The following INTS10 variants were observed in gnomAD, a reference collection of about 807,000 sequenced individuals.
The protein encoded by INTS10 is integrator complex subunit 10, also known as chromosome 8 open reading frame 35.
Under a neutral mutation model 94.4 loss-of-function variants are expected in INTS10, and 44 were observed. The ratio of observed to expected loss-of-function variants is 0.47; its 90% CI spans 0.37 to 0.60. The LOEUF is 0.60. Among genes scored for constraint, INTS10 ranks in the 20% least tolerant of loss-of-function variants. The pLI is 0.00. For missense variants in INTS10, 797 were observed against 868.7 expected (o/e 0.92, Z 1.04); for synonymous variants, 341 against 320.7 (o/e 1.06, Z -0.68).
chr8:19,829,499 A>G (rs550519827), intron 9 of INTS10, among the ~76,000 whole-genome samples: 3 of 152,236 alleles, frequency 2.0e-5, no homozygotes, highest in Non-Finnish European at 2.9e-5. Flanking sequence ...TGTGTATTGT[A>G]AAATACAGAG....
At chr8:19,847,183 T>C (rs1178037606) in intron 16 of INTS10, among the ~76,000 whole-genome samples, 1 of 152,198 alleles carries the variant, frequency 6.6e-6, no homozygotes, top group Non-Finnish European at 1.5e-5. Context: ...TTAAGTGGTT[T>C]TTTCTCCTTC....
At chr8:19,847,173 T>A (rs1460679410) in intron 16 of INTS10, among the ~76,000 whole-genome samples, 3 of 152,156 alleles carry the variant, frequency 2.0e-5, no homozygotes, top group Admixed American at 2.0e-4. Context: ...AATGGAAAGA[T>A]TAAGTGGTTT....
chr8:19,841,530 A>AGATGT (rs998131024), intron 13 of INTS10, among the ~76,000 whole-genome samples: 3 of 152,224 alleles, frequency 2.0e-5, no homozygotes, highest in African/African-American at 7.2e-5. Context: ...TCACAGGAGC[A>AGATGT]GAAATCCAAA....
At chr8:19,844,282 T>C in intron 15 of INTS10, 44 bp downstream of exon 15, 1 of 1,328,374 alleles carries the variant, frequency 7.5e-7, no homozygotes, top group Non-Finnish European at 1.1e-6. Flanking sequence ...CTGATTTTCT[T>C]TAGAATGAAT....
At position 19,846,303 on chromosome 8, in the gene INTS10, G is replaced by A. The variant is rs2128810540; in HGVS notation, c.1976+506G>A. ...AAAAAATTATGTGGGCATGATAGTGGGCACCTGTAATCCCAGCTACTTGGG... is the reference window on the plus strand; with the variant it reads ...AAAAAATTATGTGGGCATGATAGTGAGCACCTGTAATCCCAGCTACTTGGG... On this transcript the variant is annotated intron_variant, in intron 16 of 16. Coordinates refer to ENST00000397977, the MANE Select transcript of INTS10 (RefSeq NM_018142.4). The surrounding 1 kb of genome is among the most constrained non-coding windows in gnomAD (Gnocchi z 4.2). Among the ~76,000 whole-genome samples the A allele has an allele frequency of 6.6e-6, 1 of 151,976 alleles. No individual in the cohort carries two copies. The highest frequency in any genetic ancestry group is 1.9e-4 in the East Asian group (1 of 5,166).
chr8:19,819,732 A>G (rs868668022), intron 3 of INTS10, 56 bp downstream of exon 3: 2 of 1,333,114 alleles, frequency 1.5e-6, no homozygotes, highest in South Asian at 1.2e-5. Flanking sequence ...ATATATAGTA[A>G]TTTCACACAC....
chr8:19,822,172 T>G (rs1185648283), intron 4 of INTS10: 4 of 256,848 alleles, frequency 1.6e-5, no homozygotes, highest in Non-Finnish European at 3.0e-5. Flanking sequence ...GACATTTTGT[T>G]AATTCTTGTT....
chr8:19,841,692 A>T (rs1563441481), intron 13 of INTS10: 3 of 397,600 alleles, frequency 7.5e-6, no homozygotes, highest in East Asian at 1.5e-4. Flanking sequence ...AGGTGTATAA[A>T]GTCATGCAAC....
At chr8:19,831,807 G>A (rs2067248390) in intron 10 of INTS10, among the ~76,000 whole-genome samples, 2 of 152,222 alleles carry the variant, frequency 1.3e-5, no homozygotes, top group African/African-American at 4.8e-5. Context: ...TATGTGCTCA[G>A]TAAGTTGTTA....
rs201067990 is a variant in INTS10, at chr8:19,833,186, G to A, written c.1395G>A (p.Ala465=). 2.5e-6 allele frequency: 4 copies of A among 1,603,512 alleles called. No individual in the cohort carries two copies. The highest frequency in any genetic ancestry group is 2.7e-5 in the African/African-American group (2 of 74,090). The change falls in exon 12 of 17, where the codon GCG becomes GCA. Residue 465 remains alanine, a synonymous_variant. Transcript: ENST00000397977. The stretch of plus-strand genomic sequence containing the variant: ...TTTCTTAGGGTCAATATAAAAAGGC[G>A]ATAGCCAGCCTGCATCACTTAGCAG... ...MIIYQGQYKK[A]IASLHHLAAL...
At chr8:19,848,273 G>GCA (rs2068742342) in intron 16 of INTS10, among the ~76,000 whole-genome samples, 1 of 152,146 alleles carries the variant, frequency 6.6e-6, no homozygotes, top group African/African-American at 2.4e-5. Flanking sequence ...CTTCTCCCCG[G>GCA]GGGTAAGGCT....
chr8:19,826,401 TG>T, intron 8 of INTS10, 24 bp from the exon 9 acceptor site: 1 of 1,599,754 alleles, frequency 6.3e-7, no homozygotes. Context: ...CACTGGTAAG[TG>T]TTGGTGTTTT....
Position 19,848,037 on chromosome 8 carries a change from C to T in INTS10, c.1976+2240C>T, listed in dbSNP as rs115964501. Reference sequence around the variant, plus strand: ...CTGACCTCGTAGGGATTTGCCCAGTCTTCACTGTGTGAATCTCAAGGTTAA... The same window carrying T: ...CTGACCTCGTAGGGATTTGCCCAGTTTTCACTGTGTGAATCTCAAGGTTAA... On this transcript the variant is annotated intron_variant, in intron 16 of 16. Coordinates refer to ENST00000397977, the MANE Select transcript of INTS10 (RefSeq NM_018142.4). Among the ~76,000 whole-genome samples the T allele has an allele frequency of 5.8e-3, 880 of 152,324 alleles. 9 individuals carry two copies. The highest frequency in any genetic ancestry group is 0.02 in the African/African-American group (835 of 41,562).
rs762371600 is a variant in INTS10, at chr8:19,826,555, C to A, written c.1136C>A (p.Thr379Asn). 7 of 1,610,356 alleles carry A rather than the reference C, an allele frequency of 4.3e-6. No homozygotes were observed. Among genetic ancestry groups the A allele is most frequent in the Non-Finnish European group, 5.9e-6 (7 of 1,178,790 alleles). The change falls in exon 9 of 17, where the codon ACC becomes AAC. Residue 379 changes from threonine to asparagine, a missense_variant. Thr to Asn is a moderately conservative substitution (Grantham distance 65, BLOSUM62 0). Coordinates refer to ENST00000397977, the MANE Select transcript of INTS10 (RefSeq NM_018142.4). ...AAACTAGCTGAAGGAAGAGAAAAAACCATGGTAAGGCTTTCAAATATACTT... is the reference window on the plus strand; with the variant it reads ...AAACTAGCTGAAGGAAGAGAAAAAAACATGGTAAGGCTTTCAAATATACTT... Reference protein sequence around the residue: ...KRKLAEGREKTMSSDDEDCSA... With the variant: ...KRKLAEGREKNMSSDDEDCSA...
intron 8 of INTS10, among the ~76,000 whole-genome samples, chr8:19,825,702 C>T (rs1476048431): frequency 1.3e-5 from 2 of 152,062 alleles, no homozygotes; most frequent in African/African-American, 2.4e-5. Flanking sequence ...CACCCACAAT[C>T]CTTCCAGTAT....
intron 15 of INTS10, chr8:19,845,372 A>G (rs2068490293): frequency 4.7e-6 from 1 of 214,238 alleles, no homozygotes; most frequent in African/African-American, 2.2e-5. Context: ...ATGTAGTATT[A>G]ATTATTATCG....
intron 13 of INTS10, 46 bp from the exon 14 acceptor site, chr8:19,842,802 C>A: frequency 1.5e-6 from 2 of 1,308,026 alleles, no homozygotes; most frequent in Non-Finnish European, 2.2e-6. Flanking sequence ...AAGCTGTTAT[C>A]TTTGATAATA....
intron 9 of INTS10, among the ~76,000 whole-genome samples, chr8:19,829,365 A>ATTTT (rs56091429): frequency 1.3e-5 from 2 of 150,334 alleles, no homozygotes. Flanking sequence ...TTACCTTTAC[A>ATTTT]TTTTTTTTTT....
chr8:19,842,744 C>G (rs775734174), intron 13 of INTS10, 104 bp from the exon 14 acceptor site: 357 of 656,558 alleles, frequency 5.4e-4, no homozygotes, highest in Middle Eastern at 3.8e-3. Flanking sequence ...GTTGCATATT[C>G]TCTTTTTTGT....
Sources: allele counts gnomAD v4.1 joint callset (sites outside exome capture counted in the v4.1 genomes callset), GRCh38; gene constraint gnomAD v4.1.1; non-coding constraint Gnocchi (gnomAD v3.1); transcripts MANE v1.5; gene names NCBI Gene and HGNC (gene_info 2026-07-23, HGNC 2026-07-21).